Variants in TTN observed in about 807,000 individuals in gnomAD.
The protein encoded by TTN is titin, also known as connectin.
TTN carries 1,525 observed loss-of-function variants against 3,223.0 expected under a neutral mutation model. That is an observed-to-expected ratio of 0.47 (90% CI 0.45 to 0.49). The LOEUF is 0.49. Among genes scored for constraint, TTN ranks in the 20% least tolerant of loss-of-function variants. TTN has a pLI of 0.00. For synonymous variants in TTN, 14,094 were observed against 15,161.0 expected (o/e 0.93, Z 5.17); for missense variants, 40,786 against 43,424.0 (o/e 0.94, Z 5.40).
In TTN at chr2:178,618,193, T is replaced by G; in HGVS notation, c.47265A>C (p.Lys15755Asn). 6.2e-7 allele frequency: 1 copy of G among 1,612,128 alleles called. No individual in the cohort carries two copies. Among genetic ancestry groups the G allele is most frequent in the Non-Finnish European group, 8.5e-7 (1 of 1,179,002 alleles). ...ETDNPVEARS[K>N]YDVPGPPLNV... ...AATTTACTTAAAACTTCTTACCATA[T>G]TTACTCCTTGCTTCTACAGGATTGT... Residue 15755 changes from lysine (K) to asparagine (N), a missense_variant, in exon 252 of 363, where the codon AAA becomes AAC. Transcript: ENST00000589042.
In TTN at chr2:178,723,684, A is replaced by G. The variant is rs374010248; in HGVS notation, c.21416T>C (p.Phe7139Ser). 4 of 1,585,052 alleles carry G rather than the reference A, an allele frequency of 2.5e-6. No homozygotes were observed. The highest frequency in any genetic ancestry group is 3.4e-6 in the Non-Finnish European group (4 of 1,168,020). ...TTCCAAAGGTTCAGGTTCTTTCACA[A>G]AAGAGGGTGGTTCTATATAGACATG... ...AVLTVQEPPSFVKEPEPLEVL... is the reference protein window; with the variant it reads ...AVLTVQEPPSSVKEPEPLEVL... The change falls in exon 74 of 363, where the codon TTT becomes TCT. Residue 7139 changes from phenylalanine (F) to serine (S), a missense_variant. By Grantham distance (155) the Phe-to-Ser change is radical. Transcript: ENST00000589042.
rs794729621 is a variant in TTN, at chr2:178,799,835, C to T, written c.659G>A (p.Arg220Gln). ...AGTATAGAAAAATACCTTTTCAATT[C>T]GGGTTTGTCTTGATTCTGAGATCTG... The part of the protein sequence containing the change: ...TAQISESRQT[R>Q]IEKKIEAHFD... The change falls in exon 5 of 363, where the codon CGA becomes CAA. Residue 220 changes from arginine (R) to glutamine (Q), a missense_variant. Arg to Gln is a conservative substitution (Grantham distance 43). Transcript: ENST00000589042. The T allele has an allele frequency of 3.1e-5, 50 of 1,614,098 alleles. No individual in the cohort carries two copies. Among genetic ancestry groups the T allele is most frequent in the Non-Finnish European group, 4.2e-5 (49 of 1,180,010 alleles).
At chr2:178,587,875 T>C (rs1174060344) in intron 305 of TTN, 24 bp downstream of exon 305, 3 of 1,571,506 alleles carry the variant, frequency 1.9e-6, no homozygotes, top group Admixed American at 1.8e-5. Flanking sequence ...TGTGAATGAA[T>C]CACATGCTAA....
chr2:178,633,803 T>G lies in TTN; in HGVS notation c.42682+14A>C, dbSNP rs2154225957. On this transcript the variant is annotated intron_variant, in intron 231 of 362. Transcript: ENST00000589042. ...TCAGAAACTGGCTATCTGGTTATAC[T>G]TGGTTACATTTACCTAAGACCTTCA... is the stretch of plus-strand genomic sequence containing the variant. The G allele has an allele frequency of 2.5e-6, 4 of 1,611,926 alleles. No homozygotes were observed. Among genetic ancestry groups the G allele is most frequent in the Non-Finnish European group, 3.4e-6 (4 of 1,179,350 alleles).
rs746811897 is a variant in TTN at position 178,651,891 on chromosome 2, A to G, written c.39372T>C (p.Pro13124=). 6.2e-7 allele frequency: 1 copy of G among 1,607,598 alleles called. No individual in the cohort carries two copies. The highest frequency in any genetic ancestry group is 1.7e-5 in the Admixed American group (1 of 58,986). ...EVVEEPEPAA[P]PQVTVPPKKP... ...AGCTTTCTTGCCATGTACCTTGTGG[A>G]GGCGCCGCTGGCTCTGGCTCTTCCA... Residue 13124 remains proline, a synonymous_variant, in exon 205 of 363, where the codon CCT becomes CCC. Coordinates refer to ENST00000589042, the MANE Select transcript of TTN (RefSeq NM_001267550.2).
chr2:178,558,776 C>T, intron 326 of TTN, 139 bp from the exon 327 acceptor site: 1 of 975,504 alleles, frequency 1.0e-6, no homozygotes, highest in Non-Finnish European at 1.5e-6. Context: ...TTTTACATAA[C>T]CCATTTTGCT....
chr2:178,575,890 G>A lies in TTN; in HGVS notation c.70242C>T (p.Val23414=). ...TCCCAGCCGGGTTTTCAATGGTCAT[G>A]ACAAATTTACCGGTATCATATCTGT... ...ECNRYDTGKF[V]MTIENPAGKK... Residue 23414 remains valine, a synonymous_variant, in exon 326 of 363, where the codon GTC becomes GTT. Coordinates refer to ENST00000589042, the MANE Select transcript of TTN (RefSeq NM_001267550.2). The surrounding 1 kb of genome is among the most constrained non-coding windows in gnomAD (Gnocchi z 4.0). 6.2e-7 allele frequency: 1 copy of A among 1,613,580 alleles called. No individual in the cohort carries two copies.
chr2:178,578,262 A>G (rs942961346), intron 321 of TTN, 77 bp from the exon 322 acceptor site: 2 of 1,234,048 alleles, frequency 1.6e-6, no homozygotes, highest in African/African-American at 1.5e-5. Context: ...CAAATTATTT[A>G]TACATATCCA....
intron 85 of TTN, 29 bp from the exon 86 acceptor site, chr2:178,718,250 G>A: frequency 6.3e-7 from 1 of 1,592,364 alleles, no homozygotes; most frequent in Admixed American, 1.7e-5. Flanking sequence ...TAGTCAGCAA[G>A]TCAGTCATGC....
Position 178,530,311 on chromosome 2 carries a change from C to A in TTN, c.106304G>T (p.Ser35435Ile), listed in dbSNP as rs1423928961. 6.2e-7 allele frequency: 1 copy of A among 1,613,744 alleles called. No homozygotes were observed. Among genetic ancestry groups the A allele is most frequent in the African/African-American group, 1.3e-5 (1 of 74,918 alleles). The change falls in exon 358 of 363, where the codon AGT (serine) becomes ATT (isoleucine). Residue 35435 changes from serine to isoleucine, a missense_variant. Physicochemically the swap from Ser to Ile is moderately radical, Grantham distance 142 (BLOSUM62 -2). Transcript: ENST00000589042. ...AGCCTTAACTGCAAATTTAGCAACA[C>A]TGTCTGAAGAAACAGTTGTATCCTG... ...GLQDTTVSSD[S>I]VAKFAVKATG...
Position 178,536,523 on chromosome 2 carries a change from A to G in TTN, c.100224T>C (p.Ser33408=). The G allele has an allele frequency of 6.5e-7, 1 of 1,533,516 alleles. No homozygotes were observed. Among genetic ancestry groups the G allele is most frequent in the Non-Finnish European group, 8.7e-7 (1 of 1,144,124 alleles). 95.0% of individuals were successfully genotyped at this position (1,533,516 alleles called of 1,614,324 possible). Residue 33408 remains serine, a synonymous_variant, in exon 357 of 363, where the codon TCT becomes TCC. Transcript: ENST00000589042. ...CAGGTGGCTTCCAGGCCACAACACA[A>G]GAATCTTTTGTGACAGCAGTAATAG... ...KPTITAVTKD[S]CVVAWKPPAS... is the part of the protein sequence containing the mutation.
chr2:178,602,085 T>C lies in TTN; in HGVS notation c.55186A>G (p.Ile18396Val). ...CCCTTGATGACAGCAGGAATCCTAA[T>C]CTGTGAGCCAGCTTTACAAACCAGA... ...DCLVCKAGSQ[I>V]RIPAVIKGRP... Residue 18396 changes from isoleucine to valine, a missense_variant, in exon 284 of 363, where the codon ATT (isoleucine) becomes GTT (valine). By Grantham distance (29) the Ile-to-Val change is conservative. Transcript: ENST00000589042. 1 of 1,612,766 alleles carries C rather than the reference T, an allele frequency of 6.2e-7. No individual in the cohort carries two copies. Among genetic ancestry groups the C allele is most frequent in the East Asian group, 2.2e-5 (1 of 44,692 alleles).
chr2:178,610,354 C>G lies in TTN; in HGVS notation c.51172G>C (p.Asp17058His). 2.5e-6 allele frequency: 4 copies of G among 1,612,704 alleles called. No homozygotes were observed. The highest frequency in any genetic ancestry group is 3.4e-6 in the Non-Finnish European group (4 of 1,179,134). The change falls in exon 271 of 363, where the codon GAC (aspartate) becomes CAC (histidine). Residue 17058 changes from aspartate (D) to histidine (H), a missense_variant. Physicochemically the swap from Asp to His is moderately conservative, Grantham distance 81 (BLOSUM62 -1). Transcript: ENST00000589042. ...AACTTACAAGAACTCTTGGTAATGT[C>G]ACTTGCTTTAATATCTTTGCATGGT... ...PGPCKDIKAS[D>H]ITKSSCKLTW...
chr2:178,663,353 T>G lies in TTN; in HGVS notation c.36617-4A>C, dbSNP rs749344686. ...GCTGCCTTTGGCACCTCTGGGACTT[T>G]AAAGATATTAGTATTTTCATTATTA... On this transcript the variant is annotated splice_polypyrimidine_tract_variant and splice_region_variant and intron_variant, in intron 172 of 362. Coordinates refer to ENST00000589042, the MANE Select transcript of TTN (RefSeq NM_001267550.2). The G allele has an allele frequency of 6.3e-7, 1 of 1,596,486 alleles. No homozygotes were observed. Among genetic ancestry groups the G allele is most frequent in the Admixed American group, 1.7e-5 (1 of 57,240 alleles).
chr2:178,778,746 G>C, intron 24 of TTN, 128 bp downstream of exon 24: 1 of 1,318,846 alleles, frequency 7.6e-7, no homozygotes, highest in Non-Finnish European at 1.1e-6. Flanking sequence ...AATTGTTGGT[G>C]TTGCCAATGG....
At position 178,566,628 on chromosome 2, in the gene TTN, T is replaced by C. The variant is rs1423556952; in HGVS notation, c.79504A>G (p.Asn26502Asp). The C allele has an allele frequency of 3.7e-6, 6 of 1,612,658 alleles. No individual in the cohort carries two copies. Among genetic ancestry groups the C allele is most frequent in the Non-Finnish European group, 5.1e-6 (6 of 1,179,664 alleles). The change falls in exon 326 of 363, where the codon AAT becomes GAT. Residue 26502 changes from asparagine (N) to aspartate (D), a missense_variant. Asn to Asp is a conservative substitution (Grantham distance 23). Coordinates refer to ENST00000589042, the MANE Select transcript of TTN (RefSeq NM_001267550.2). ...TTACCCCAGGCAAGTGTGATTGAAT[T>C]TTTAGTGGTGTCTACAATGTGTGCA... The part of the protein sequence containing the change: ...TNAHIVDTTK[N>D]SITLAWGKPI...
Position 178,533,017 on chromosome 2 carries a change from T to C in TTN, c.103598A>G (p.Glu34533Gly), listed in dbSNP as rs1484143627. ...FRLEIEEKKE[E>G]RKLRMPYDVP... Reference sequence around the variant, plus strand: ...ATCATAAGGCATCCGGAGTTTTCTCTCCTCCTTCTTTTCTTCTATCTCAAG... The same window carrying C: ...ATCATAAGGCATCCGGAGTTTTCTCCCCTCCTTCTTTTCTTCTATCTCAAG... The change falls in exon 358 of 363, where the codon GAG (glutamate) becomes GGG (glycine). Residue 34533 changes from glutamate to glycine, a missense_variant. Coordinates refer to ENST00000589042, the MANE Select transcript of TTN (RefSeq NM_001267550.2). The C allele has an allele frequency of 2.5e-6, 4 of 1,613,870 alleles. No homozygotes were observed. The highest frequency in any genetic ancestry group is 3.4e-6 in the Non-Finnish European group (4 of 1,179,864).
Position 178,642,261 on chromosome 2 carries a change from T to C in TTN, c.40534A>G (p.Lys13512Glu). Residue 13512 changes from lysine (K) to glutamate (E), a missense_variant, in exon 219 of 363, where the codon AAG becomes GAG. Physicochemically the swap from Lys to Glu is moderately conservative, Grantham distance 56 (BLOSUM62 1). Transcript: ENST00000589042. ...CCGCTTTTCAGAACAACTTCTTCCT[T>C]TGGTTCAGGTTTACGTTCCGGAAGT... ...KLLPERKPEP[K>E]EEVVLKSVLR... is the part of the protein sequence containing the mutation. The C allele has an allele frequency of 6.3e-7, 1 of 1,594,524 alleles. No individual in the cohort carries two copies. The highest frequency in any genetic ancestry group is 8.6e-7 in the Non-Finnish European group (1 of 1,169,378).
At chr2:178,670,053 C>T (rs570074922) in intron 157 of TTN, among the ~76,000 whole-genome samples, 165 bp downstream of exon 157, 10 of 152,038 alleles carry the variant, frequency 6.6e-5, no homozygotes, top group South Asian at 2.1e-4. Flanking sequence ...TATGTCTTTA[C>T]GCCTAAAACA....
Sources: gnomAD v4.1 joint callset for allele counts (sites outside exome capture counted in the v4.1 genomes callset) on GRCh38, gnomAD v4.1.1 for gene constraint, Gnocchi (gnomAD v3.1) non-coding constraint, MANE v1.5 for transcripts, NCBI Gene and HGNC (gene_info 2026-07-23, HGNC 2026-07-21) for gene names.